TFEC: variants seen among roughly 807,000 people sequenced by gnomAD.
TFEC encodes transcription factor EC.
A neutral mutation model predicts 41.6 loss-of-function variants in TFEC; 31 were observed. The ratio of observed to expected loss-of-function variants is 0.74; its 90% CI spans 0.56 to 1.01. TFEC has a LOEUF of 1.01. Among genes scored for constraint, TFEC ranks in the 50% least tolerant of loss-of-function variants. The pLI is 0.00. For missense variants in TFEC, 402 were observed against 404.1 expected, an observed-to-expected ratio of 0.99 and a Z score of 0.04; for synonymous variants, 143 against 140.6, an observed-to-expected ratio of 1.02 and a Z score of -0.12.
chr7:116,080,300 C>T (rs1349696832), intron 3 of TFEC, among the ~76,000 whole-genome samples: 2 of 151,882 alleles, frequency 1.3e-5, no homozygotes, highest in Non-Finnish European at 2.9e-5. Context: ...AAAGCAAATG[C>T]AACAAAAAGA....
At chr7:115,947,673 A>C (rs1300234555) in intron 6 of TFEC, among the ~76,000 whole-genome samples, 1 of 151,388 alleles carries the variant, frequency 6.6e-6, no homozygotes, top group Non-Finnish European at 1.5e-5. Flanking sequence ...ATGGCCAGTG[A>C]TGGTGAGCAT....
chr7:116,109,163 G>T (rs1797790118), intron 3 of TFEC, among the ~76,000 whole-genome samples: 1 of 151,808 alleles, frequency 6.6e-6, no homozygotes, highest in Admixed American at 6.6e-5. Context: ...ATAGGCATGG[G>T]CAAGGACTTC....
intron 1 of TFEC, among the ~76,000 whole-genome samples, chr7:116,148,452 G>T (rs919543677): frequency 6.6e-6 from 1 of 152,158 alleles, no homozygotes; most frequent in Non-Finnish European, 1.5e-5. Flanking sequence ...ACAGAGCAAT[G>T]GAGTGGTGAG....
chr7:116,120,277 A>C (rs1344273872), intron 1 of TFEC: 1 of 151,862 alleles, frequency 6.6e-6, no homozygotes, highest in African/African-American at 2.4e-5. Context: ...CCTCCATGGA[A>C]CCTTTGCAAA....
At chr7:116,006,519 G>T (rs1235777858) in intron 1 of TFEC, among the ~76,000 whole-genome samples, 3 of 152,160 alleles carry the variant, frequency 2.0e-5, no homozygotes, top group Non-Finnish European at 4.4e-5. Context: ...CATTTGGAAT[G>T]GCTGTATTTA....
At chr7:116,042,223 T>C (rs1478223736) in intron 3 of TFEC, among the ~76,000 whole-genome samples, 1 of 152,160 alleles carries the variant, frequency 6.6e-6, no homozygotes, top group African/African-American at 2.4e-5. Flanking sequence ...ATGGCACTCT[T>C]TTCTAGAATA....
chr7:116,065,069 T>A (rs1309723682), intron 3 of TFEC, among the ~76,000 whole-genome samples: 1 of 152,138 alleles, frequency 6.6e-6, no homozygotes, highest in Admixed American at 6.6e-5. Context: ...TTCTCCAGAA[T>A]ACTCAGAACA....
intron 1 of TFEC, among the ~76,000 whole-genome samples, chr7:116,133,410 C>T (rs757335967): frequency 1.4e-4 from 22 of 152,032 alleles, no homozygotes; most frequent in Non-Finnish European, 2.6e-4. Flanking sequence ...ATTAGCCAGA[C>T]GTGGTGGCGT....
At position 115,937,612 on chromosome 7, in the gene TFEC, C is replaced by T. The variant is rs751382826; in HGVS notation, c.*2939G>A. The T allele has an allele frequency of 5.5e-4, 84 of 151,682 alleles. No homozygotes were observed. The highest frequency in any genetic ancestry group is 9.9e-4 in the Non-Finnish European group (67 of 67,738). The allele number at this position is 151,682 out of a possible 1,614,324, so 9.4% of individuals were successfully genotyped here. A position where few individuals can be genotyped will look rare whatever the true frequency, so the allele number is the denominator to read the frequency against. ...GAGTGGGGAGGACATGTTTGATAAA[C>T]GACTACTTCATAAATGAACAACTTT... is the stretch of plus-strand genomic sequence containing the variant. On this transcript the variant is annotated 3_prime_UTR_variant, in exon 8 of 8. Transcript: ENST00000265440.
chr7:115,946,633 TCTCTTTA>T (rs1791581170), intron 6 of TFEC, among the ~76,000 whole-genome samples: 2 of 148,364 alleles, frequency 1.3e-5, no homozygotes, highest in South Asian at 4.5e-4. Flanking sequence ...TCTCTCTCTC[TCTCTTTA>T]TTTTCTTTTT....
chr7:116,045,198 T>C (rs1345124374), intron 3 of TFEC, among the ~76,000 whole-genome samples: 2 of 152,160 alleles, frequency 1.3e-5, no homozygotes, highest in African/African-American at 2.4e-5. Context: ...CTGATAACAA[T>C]ATGGACAATA....
At chr7:116,148,046 G>A (rs1487586169) in intron 1 of TFEC, among the ~76,000 whole-genome samples, 1 of 152,148 alleles carries the variant, frequency 6.6e-6, no homozygotes, top group African/African-American at 2.4e-5. Flanking sequence ...TTTAAATAGG[G>A]CTATTGGAAG....
chr7:116,044,713 A>ACT (rs1209371449), intron 3 of TFEC, among the ~76,000 whole-genome samples: 1 of 152,248 alleles, frequency 6.6e-6, no homozygotes, highest in African/African-American at 2.4e-5. Context: ...CAGCATCTTG[A>ACT]CTGCCTACAC....
upstream of TFEC, among the ~76,000 whole-genome samples, chr7:116,034,829 A>T (rs1455905906): frequency 1.3e-5 from 2 of 151,972 alleles, no homozygotes; most frequent in Admixed American, 6.6e-5. Context: ...CCAATTCCTT[A>T]AAATGGTGTC....
intron 3 of TFEC, among the ~76,000 whole-genome samples, chr7:116,101,113 T>C (rs550997204): frequency 6.6e-6 from 1 of 152,144 alleles, no homozygotes; most frequent in African/African-American, 2.4e-5. Context: ...TCAATTCACA[T>C]TTGAAAATGA....
At chr7:115,998,493 T>G (rs1393549627) in intron 1 of TFEC, among the ~76,000 whole-genome samples, 2 of 151,588 alleles carry the variant, frequency 1.3e-5, no homozygotes, top group Non-Finnish European at 2.9e-5. Context: ...TAACATTGAA[T>G]GTAAATGGAC....
chr7:116,074,820 A>G (rs1796916765), intron 3 of TFEC, among the ~76,000 whole-genome samples: 1 of 152,208 alleles, frequency 6.6e-6, no homozygotes, highest in African/African-American at 2.4e-5. Context: ...TTCTACACAT[A>G]TATTATAGCA....
upstream of TFEC, among the ~76,000 whole-genome samples, chr7:116,032,936 C>A: frequency 6.6e-6 from 1 of 152,194 alleles, no homozygotes; most frequent in African/African-American, 2.4e-5. Context: ...TAGTATACTA[C>A]TTGCCACAAA....
intron 2 of TFEC, among the ~76,000 whole-genome samples, chr7:115,980,280 G>A (rs890867174): frequency 1.3e-5 from 2 of 152,100 alleles, no homozygotes; most frequent in Admixed American, 6.6e-5. Context: ...TCTGGTTTGA[G>A]GGCCTGAGAG....
Sources: allele counts gnomAD v4.1 joint callset (sites outside exome capture counted in the v4.1 genomes callset), GRCh38; gene constraint gnomAD v4.1.1; transcripts MANE v1.5; gene names NCBI Gene and HGNC (gene_info 2026-07-23, HGNC 2026-07-21).